ABI1: variants seen among roughly 807,000 people sequenced by gnomAD.
ABI1 encodes the protein Abelson interactor 1.
In ABI1, 14 loss-of-function variants were observed where a neutral mutation model predicts 54.6. That is an observed-to-expected ratio of 0.26 (90% CI 0.17 to 0.40). ABI1 has a LOEUF of 0.40. ABI1 is among the 10% of genes least tolerant of loss of function. The pLI, the probability that ABI1 is intolerant of heterozygous loss-of-function variation, is 1.00. For missense variants in ABI1, 443 were observed against 598.3 expected (o/e 0.74, Z 2.71); for synonymous variants, 194 against 209.3 (o/e 0.93, Z 0.63).
intron 1 of ABI1, among the ~76,000 whole-genome samples, chr10:26,823,743 C>T (rs755290537): frequency 2.6e-5 from 4 of 152,200 alleles, no homozygotes; most frequent in Non-Finnish European, 5.9e-5. Flanking sequence ...TCCTTGTTAT[C>T]TATGATGATT....
intron 1 of ABI1, among the ~76,000 whole-genome samples, chr10:26,859,435 C>A (rs2051118293): frequency 6.6e-6 from 1 of 152,186 alleles, no homozygotes; most frequent in South Asian, 2.1e-4. Context: ...TTTCTATAAA[C>A]AATTTAGTTC....
intron 7 of ABI1, among the ~76,000 whole-genome samples, chr10:26,761,404 A>G (rs1839132817): frequency 6.6e-6 from 1 of 151,738 alleles, no homozygotes; most frequent in Admixed American, 6.6e-5. Context: ...TAAAATAAAT[A>G]ATGCCAAAGA....
chr10:26,775,267 T>C (rs1448436860), intron 3 of ABI1, among the ~76,000 whole-genome samples: 1 of 152,176 alleles, frequency 6.6e-6, no homozygotes, highest in East Asian at 1.9e-4. Context: ...TGTATGTGTG[T>C]ATTTTTCAGT....
At chr10:26,851,284 C>T (rs1174739585) in intron 1 of ABI1, among the ~76,000 whole-genome samples, 2 of 151,228 alleles carry the variant, frequency 1.3e-5, no homozygotes, top group African/African-American at 4.9e-5. Context: ...CAGCCTCAAA[C>T]TCCTGGGCTC....
chr10:26,781,492 AGCTGAGAC>A (rs1842096994), intron 2 of ABI1, among the ~76,000 whole-genome samples: 1 of 152,188 alleles, frequency 6.6e-6, no homozygotes, highest in African/African-American at 2.4e-5. Flanking sequence ...GATTCAACTA[AGCTGAGAC>A]GCTGTGGTGC....
At chr10:26,782,303 C>T (rs1277145810) in intron 2 of ABI1, among the ~76,000 whole-genome samples, 2 of 152,048 alleles carry the variant, frequency 1.3e-5, no homozygotes, top group Admixed American at 1.3e-4. Flanking sequence ...CCATCCACAG[C>T]ATCTTATATC....
chr10:26,781,769 T>TGG (rs1442922054), intron 2 of ABI1, among the ~76,000 whole-genome samples: 1 of 152,188 alleles, frequency 6.6e-6, no homozygotes, highest in Non-Finnish European at 1.5e-5. Context: ...TCAAACCATC[T>TGG]GGGTCACTAA....
chr10:26,815,899 G>C (rs1415857783), intron 2 of ABI1, among the ~76,000 whole-genome samples: 3 of 152,116 alleles, frequency 2.0e-5, no homozygotes, highest in African/African-American at 7.2e-5. Flanking sequence ...CAACAGAACA[G>C]GATTCTGTCT....
chr10:26,819,997 CAG>C (rs2047861320), intron 2 of ABI1, among the ~76,000 whole-genome samples: 2 of 152,208 alleles, frequency 1.3e-5, no homozygotes, highest in South Asian at 4.1e-4. Context: ...CTCACTGAAG[CAG>C]AGAGTAGAAT....
chr10:26,765,785 C>T (rs1359544343), intron 6 of ABI1, among the ~76,000 whole-genome samples: 2 of 152,040 alleles, frequency 1.3e-5, no homozygotes, highest in Non-Finnish European at 2.9e-5. Context: ...TTATTCATCA[C>T]AAATCTTAAT....
intron 2 of ABI1, among the ~76,000 whole-genome samples, chr10:26,780,111 A>T (rs1841910708): frequency 6.6e-6 from 1 of 152,226 alleles, no homozygotes; most frequent in Non-Finnish European, 1.5e-5. Flanking sequence ...GCCATTGTGC[A>T]GATCAAGCCC....
chr10:26,827,356 G>A (rs2048369347), intron 1 of ABI1, among the ~76,000 whole-genome samples: 1 of 151,836 alleles, frequency 6.6e-6, no homozygotes, highest in Non-Finnish European at 1.5e-5. Flanking sequence ...CAAGCAGCTG[G>A]CACTATAGGT....
chr10:26,795,153 A>C (rs1033130275), intron 2 of ABI1, among the ~76,000 whole-genome samples: 4 of 151,950 alleles, frequency 2.6e-5, no homozygotes, highest in African/African-American at 4.8e-5. Flanking sequence ...AAAAAAAAAA[A>C]AAACCAAAAA....
chr10:26,761,661 T>TATATATATATATATATATACACACAC (rs1375832167), intron 7 of ABI1, among the ~76,000 whole-genome samples: 1 of 78,940 alleles, frequency 1.3e-5, no homozygotes, highest in African/African-American at 5.2e-5. Flanking sequence ...TATATATATA[T>TATATATATATATATATATACACACAC]ACACACACAC....
intron 2 of ABI1, among the ~76,000 whole-genome samples, chr10:26,819,899 C>A (rs545058532): frequency 6.6e-6 from 1 of 152,082 alleles, no homozygotes; most frequent in Non-Finnish European, 1.5e-5. Flanking sequence ...ACCTGTAGGA[C>A]CTTACAGTAA....
At position 26,774,005 on chromosome 10, in the gene ABI1, C is replaced by T. The variant is rs79284140; in HGVS notation, c.463-2916G>A. On this transcript the variant is annotated intron_variant, in intron 3 of 10. Coordinates refer to ENST00000376140, the MANE Select transcript of ABI1 (RefSeq NM_001012750.3). ...AACAAGCACACAAACACACAGTAAT[C>T]CAGTCATCCCTTGGTATATCAAGGA... Among the ~76,000 whole-genome samples, 1,049 of 152,256 alleles carry T rather than the reference C, an allele frequency of 6.9e-3. 9 individuals are homozygous for T. The highest frequency in any genetic ancestry group is 0.011 in the Non-Finnish European group (742 of 67,994).
chr10:26,767,985 G>T (rs1840164444), intron 6 of ABI1, among the ~76,000 whole-genome samples: 1 of 151,906 alleles, frequency 6.6e-6, no homozygotes, highest in African/African-American at 2.4e-5. Context: ...GGTAGAAGTT[G>T]CAGTGAGCCG....
At chr10:26,787,779 G>A (rs1842888636) in intron 2 of ABI1, among the ~76,000 whole-genome samples, 1 of 151,448 alleles carries the variant, frequency 6.6e-6, no homozygotes, top group Admixed American at 6.6e-5. Context: ...CTTAATATAT[G>A]AGAGTCAAAA....
At chr10:26,756,388 C>T (rs1239319641) in intron 8 of ABI1, among the ~76,000 whole-genome samples, 1 of 151,850 alleles carries the variant, frequency 6.6e-6, no homozygotes, top group Non-Finnish European at 1.5e-5. Flanking sequence ...AATATCAGTC[C>T]TAAATTTACA....
Sources: gnomAD v4.1 joint callset for allele counts (sites outside exome capture counted in the v4.1 genomes callset) on GRCh38, gnomAD v4.1.1 for gene constraint, MANE v1.5 for transcripts, NCBI Gene and HGNC (gene_info 2026-07-23, HGNC 2026-07-21) for gene names.